SPOCK1: variants seen among roughly 807,000 people sequenced by gnomAD.
SPOCK1 encodes the protein testican-1.
SPOCK1 carries 23 observed loss-of-function variants against 55.3 expected under a neutral mutation model. That is an observed-to-expected ratio of 0.42 (90% CI 0.30 to 0.59). The LOEUF is 0.59. SPOCK1 is among the 20% of genes least tolerant of loss of function. SPOCK1 has a pLI of 0.22. For missense variants in SPOCK1, 499 were observed against 552.5 expected (o/e 0.90, Z 0.97); for synonymous variants, 226 against 221.0 (o/e 1.02, Z -0.20).
intron 2 of SPOCK1, among the ~76,000 whole-genome samples, chr5:137,362,470 C>G (rs921335807): frequency 6.6e-6 from 1 of 151,802 alleles, no homozygotes; most frequent in Non-Finnish European, 1.5e-5. Flanking sequence ...GCTGGAACTA[C>G]AGGCGCCCGC....
At chr5:137,209,992 A>G (rs779575772) in intron 3 of SPOCK1, among the ~76,000 whole-genome samples, 1 of 152,178 alleles carries the variant, frequency 6.6e-6, no homozygotes, top group Non-Finnish European at 1.5e-5. Context: ...TAGATTTGAT[A>G]TTGATTTTTT....
At chr5:137,332,354 T>C (rs1476224461) in intron 2 of SPOCK1, among the ~76,000 whole-genome samples, 1 of 152,140 alleles carries the variant, frequency 6.6e-6, no homozygotes, top group Non-Finnish European at 1.5e-5. Context: ...CAATTAGTAA[T>C]TTTCCTGCTT....
chr5:137,494,892 G>A (rs1417432773), intron 2 of SPOCK1, among the ~76,000 whole-genome samples: 5 of 152,194 alleles, frequency 3.3e-5, no homozygotes, highest in African/African-American at 1.2e-4. Flanking sequence ...GAAAAATTAG[G>A]AGAATGGTTG....
chr5:137,257,573 T>C (rs890192097), intron 3 of SPOCK1, among the ~76,000 whole-genome samples: 5 of 152,248 alleles, frequency 3.3e-5, no homozygotes, highest in Admixed American at 1.3e-4. Context: ...AAATTTCTAC[T>C]GTTTGTAGGC....
intron 3 of SPOCK1, among the ~76,000 whole-genome samples, chr5:137,207,271 T>G (rs1421904216): frequency 6.6e-6 from 1 of 152,232 alleles, no homozygotes; most frequent in African/African-American, 2.4e-5. Flanking sequence ...AATGAGCACC[T>G]GCAGGCCTGG....
chr5:137,479,940 T>G (rs566386926), intron 2 of SPOCK1, among the ~76,000 whole-genome samples: 1 of 152,036 alleles, frequency 6.6e-6, no homozygotes, highest in East Asian at 1.9e-4. Context: ...GGGCATACCT[T>G]GATGGTAAGC....
chr5:137,250,260 G>A (rs1012923812), intron 3 of SPOCK1, among the ~76,000 whole-genome samples: 1 of 152,142 alleles, frequency 6.6e-6, no homozygotes, highest in Non-Finnish European at 1.5e-5. Context: ...GACCCCAAAG[G>A]CCAAAAATAT....
chr5:137,484,310 A>C (rs931859533), intron 2 of SPOCK1, among the ~76,000 whole-genome samples: 3 of 152,228 alleles, frequency 2.0e-5, no homozygotes, highest in Non-Finnish European at 2.9e-5. Flanking sequence ...CCTGCAAAGC[A>C]TTCCCAAGGC....
At chr5:137,133,401 G>A (rs958250905) in intron 4 of SPOCK1, among the ~76,000 whole-genome samples, 3 of 151,848 alleles carry the variant, frequency 2.0e-5, no homozygotes, top group South Asian at 4.2e-4. Context: ...ATTTGTAAAG[G>A]GGGACCCCCA....
At chr5:137,408,311 A>G (rs1349083076) in intron 2 of SPOCK1, among the ~76,000 whole-genome samples, 1 of 152,166 alleles carries the variant, frequency 6.6e-6, no homozygotes, top group African/African-American at 2.4e-5. Flanking sequence ...TGGTCTTACC[A>G]TCAGATAGTC....
At chr5:137,322,863 G>A (rs1395648059) in intron 2 of SPOCK1, among the ~76,000 whole-genome samples, 1 of 152,088 alleles carries the variant, frequency 6.6e-6, no homozygotes, top group Non-Finnish European at 1.5e-5. Context: ...TCTGGAGGCT[G>A]GCAAGTCCAA....
chr5:137,461,655 G>A (rs1027560730), intron 2 of SPOCK1, among the ~76,000 whole-genome samples: 6 of 152,252 alleles, frequency 3.9e-5, no homozygotes, highest in South Asian at 2.1e-4. Context: ...TGTTCTGCCC[G>A]TCTCTGGGCT....
intron 4 of SPOCK1, among the ~76,000 whole-genome samples, chr5:137,124,676 G>C (rs1753747697): frequency 6.6e-6 from 1 of 152,142 alleles, no homozygotes; most frequent in African/African-American, 2.4e-5. Context: ...CCTTAAGGCA[G>C]ATCCAAGGCC....
intron 6 of SPOCK1, among the ~76,000 whole-genome samples, chr5:137,004,675 T>C (rs1751211144): frequency 6.6e-6 from 1 of 152,084 alleles, no homozygotes; most frequent in Non-Finnish European, 1.5e-5. Flanking sequence ...CTGAATGTCA[T>C]ATATAAACAA....
In SPOCK1 at chr5:137,294,359, A is replaced by C. The variant is rs537551905; in HGVS notation, c.187-27304T>G. Among the ~76,000 whole-genome samples, 5 of 152,312 alleles carry C rather than the reference A, an allele frequency of 3.3e-5. No homozygotes were observed. In the South Asian group the frequency reaches 1.0e-3, roughly 32 times the overall value. ...TACTGTGCATTATAAGTCTCTCAAA[A>C]ACCCTGTATTAGTTACGTTTTATAG... On this transcript the variant is annotated intron_variant, in intron 2 of 10. Transcript: ENST00000394945.
intron 2 of SPOCK1, among the ~76,000 whole-genome samples, chr5:137,396,710 T>C (rs1333275642): frequency 6.6e-6 from 1 of 152,252 alleles, no homozygotes; most frequent in East Asian, 1.9e-4. Context: ...AATAACCCTA[T>C]GAGGTAAAAC....
rs185594914 is a variant in SPOCK1, at chr5:137,179,277, A to G, written c.233-38583T>C. On this transcript the variant is annotated intron_variant, in intron 3 of 10. Transcript: ENST00000394945. ...TCCCCTTCTCCCAATTTGATCTAAAAATAAAGGCACCAGCTCTGAATTCCT... is the reference window on the plus strand; with the variant it reads ...TCCCCTTCTCCCAATTTGATCTAAAGATAAAGGCACCAGCTCTGAATTCCT... 1.9e-4 allele frequency among the ~76,000 whole-genome samples: 29 copies of G among 152,314 alleles called. No homozygotes were observed. In the East Asian group the frequency reaches 5.2e-3, roughly 27 times the overall value.
chr5:137,159,489 C>A (rs1322345680), intron 3 of SPOCK1, among the ~76,000 whole-genome samples: 2 of 151,788 alleles, frequency 1.3e-5, no homozygotes, highest in Non-Finnish European at 2.9e-5. Context: ...GCCCCACCCC[C>A]GCCAGCCTCC....
intron 3 of SPOCK1, among the ~76,000 whole-genome samples, chr5:137,260,679 T>C (rs962535519): frequency 3.9e-5 from 6 of 152,148 alleles, no homozygotes; most frequent in African/African-American, 1.4e-4. Flanking sequence ...AACATTCAAT[T>C]TGATCAAACA....
Sources: allele counts gnomAD v4.1 joint callset (sites outside exome capture counted in the v4.1 genomes callset), GRCh38; gene constraint gnomAD v4.1.1; transcripts MANE v1.5; gene names NCBI Gene and HGNC (gene_info 2026-07-23, HGNC 2026-07-21).